The following WNK2 variants were observed in gnomAD, a reference collection of about 807,000 sequenced individuals.
WNK2 encodes the protein serine/threonine-protein kinase WNK2.
Under a neutral mutation model 192.1 loss-of-function variants are expected in WNK2, and 67 were observed. The observed-to-expected ratio is 0.35, with a 90% CI of 0.29 to 0.43. The LOEUF (loss-of-function observed/expected upper bound fraction) is 0.43, where lower values mean the gene tolerates loss of function less well. Ranked by LOEUF, WNK2 falls within the 20% of genes least tolerant of loss-of-function variation. The pLI is 1.00. For synonymous variants in WNK2, 1,439 were observed against 1,393.9 expected, an observed-to-expected ratio of 1.03 and a Z score of -0.72; for missense variants, 2,698 against 3,089.7, an observed-to-expected ratio of 0.87 and a Z score of 3.01.
intron 5 of WNK2, among the ~76,000 whole-genome samples, chr9:93,235,927 C>T (rs1213546102): frequency 1.3e-5 from 2 of 152,220 alleles, no homozygotes; most frequent in African/African-American, 4.8e-5. Flanking sequence ...CATTTCTGTC[C>T]CTTGGTTGTT....
intron 19 of WNK2, among the ~76,000 whole-genome samples, chr9:93,280,149 A>G (rs972915447): frequency 6.6e-6 from 1 of 152,220 alleles, no homozygotes; most frequent in East Asian, 1.9e-4. Context: ...CCAAGCACAT[A>G]TGTGATAAAG....
chr9:93,318,221 T>C (rs1855085678), intron 29 of WNK2: 2 of 1,481,636 alleles, frequency 1.3e-6, no homozygotes, highest in Non-Finnish European at 1.8e-6. Flanking sequence ...AATCTTTATT[T>C]ACTGTTTTAA....
intron 19 of WNK2, among the ~76,000 whole-genome samples, chr9:93,280,311 A>G (rs1847535417): frequency 6.6e-6 from 1 of 152,214 alleles, no homozygotes; most frequent in Non-Finnish European, 1.5e-5. Flanking sequence ...ATGCAAATTA[A>G]TACCACAATG....
chr9:93,228,624 G>T (rs1588042256), intron 2 of WNK2, among the ~76,000 whole-genome samples: 1 of 152,360 alleles, frequency 6.6e-6, no homozygotes, highest in East Asian at 1.9e-4. Flanking sequence ...ACCTCAGGTG[G>T]AGGTGAGAAG....
At position 93,253,048 on chromosome 9, in the gene WNK2, C is replaced by A; in HGVS notation, c.2000C>A (p.Pro667His). Residue 667 changes from proline to histidine, a missense_variant, in exon 9 of 30, where the codon CCC becomes CAC. Transcript: ENST00000427277. ...GGGCCCGTCCTGCCGCAGAGCCTGC[C>A]CTCGCTGGGGGCCTACCAGCAGCCC... The part of the protein sequence containing the change: ...SEGPVLPQSL[P>H]SLGAYQQPTA... 1.3e-6 allele frequency: 2 copies of A among 1,521,092 alleles called. No homozygotes were observed. Among genetic ancestry groups the A allele is most frequent in the Admixed American group, 2.1e-5 (1 of 47,120 alleles). 94.2% of individuals were successfully genotyped at this position (1,521,092 alleles called of 1,614,324 possible).
Position 93,292,690 on chromosome 9 carries a change from C to G in WNK2, c.5225C>G (p.Ala1742Gly). 2 of 1,572,316 alleles carry G rather than the reference C, an allele frequency of 1.3e-6. No homozygotes were observed. The highest frequency in any genetic ancestry group is 1.7e-6 in the Non-Finnish European group (2 of 1,160,272). ...RPEQQDVSSP[A>G]KTVGRFSVVS... Reference sequence around the variant, plus strand: ...GAGCAGCAGGATGTCAGCTCACCAGCCAAGACTGTGGGCCGTTTCTCGGTG... The same window carrying G: ...GAGCAGCAGGATGTCAGCTCACCAGGCAAGACTGTGGGCCGTTTCTCGGTG... Residue 1742 changes from alanine (A) to glycine (G), a missense_variant, in exon 23 of 30, where the codon GCC (alanine) becomes GGC (glycine). Coordinates refer to ENST00000427277, the MANE Select transcript of WNK2 (RefSeq NM_006648.4).
chr9:93,249,400 A>G (rs1842218758), intron 8 of WNK2, among the ~76,000 whole-genome samples: 1 of 152,252 alleles, frequency 6.6e-6, no homozygotes, highest in African/African-American at 2.4e-5. Flanking sequence ...CTCTGCAGAC[A>G]GGCCCACTTC....
rs149317703 is a variant in WNK2 at position 93,247,342 on chromosome 9, T to C, written c.1543-201T>C. Among the ~76,000 whole-genome samples the C allele has an allele frequency of 6.8e-3, 1,031 of 152,290 alleles. 9 individuals carry two copies. The highest frequency in any genetic ancestry group is 0.011 in the Non-Finnish European group (755 of 68,028). On this transcript the variant is annotated intron_variant, in intron 7 of 29. Transcript: ENST00000427277. This position sits in a 1 kb window ranked among gnomAD's most constrained non-coding sequence, Gnocchi z 5.2. Reference sequence around the variant, plus strand: ...CGGGATGCAGGTCAGGCCTGCGTGGTGGTGGTCTTTCTTTGCCTTGCCTGG... The same window carrying C: ...CGGGATGCAGGTCAGGCCTGCGTGGCGGTGGTCTTTCTTTGCCTTGCCTGG...
intron 19 of WNK2, among the ~76,000 whole-genome samples, chr9:93,270,275 A>G (rs1257057907): frequency 6.6e-6 from 1 of 152,276 alleles, no homozygotes; most frequent in African/African-American, 2.4e-5. Context: ...TGTGCACGGA[A>G]GGCCTTTCTG....
rs368517465 is a variant in WNK2 at position 93,299,093 on chromosome 9, G to T, written c.5947G>T (p.Gly1983Cys). ...STGHLADSSR[G>C]PPAKDPAQAS... ...AGGTCACTTGGCTGACTCCAGCAGA[G>T]GCCCTCCCGCTAAGGACCCTGCCCA... is the stretch of plus-strand genomic sequence containing the variant. Residue 1983 changes from glycine (G) to cysteine (C), a missense_variant, in exon 25 of 30, where the codon GGC (glycine) becomes TGC (cysteine). This residue lies in a region of WNK2 where 1,098 missense variants were observed against 1,101.0 expected (regional missense o/e 1.00). Transcript: ENST00000427277. The T allele has an allele frequency of 1.2e-6, 2 of 1,610,728 alleles. No individual in the cohort carries two copies. Among genetic ancestry groups the T allele is most frequent in the Non-Finnish European group, 1.7e-6 (2 of 1,179,544 alleles).
intron 2 of WNK2, among the ~76,000 whole-genome samples, chr9:93,222,219 A>G (rs1837041306): frequency 6.6e-6 from 1 of 151,962 alleles, no homozygotes; most frequent in Non-Finnish European, 1.5e-5. Flanking sequence ...CCCAGGCTGG[A>G]GTGCAGTGGC....
chr9:93,265,083 C>A (rs956155357), intron 16 of WNK2, among the ~76,000 whole-genome samples: 3 of 152,232 alleles, frequency 2.0e-5, no homozygotes, highest in African/African-American at 7.2e-5. Flanking sequence ...TGGACAAAGC[C>A]CTCCCAGATC....
At chr9:93,283,386 A>T (rs1848004380) in intron 19 of WNK2, among the ~76,000 whole-genome samples, 1 of 152,222 alleles carries the variant, frequency 6.6e-6, no homozygotes, top group Admixed American at 6.5e-5. Flanking sequence ...GGCTCATAGC[A>T]TTAGTAAGCC....
Position 93,317,631 on chromosome 9 carries a change from G to C in WNK2, c.6628G>C (p.Asp2210His). The C allele has an allele frequency of 6.2e-7, 1 of 1,612,642 alleles. No individual in the cohort carries two copies. The highest frequency in any genetic ancestry group is 8.5e-7 in the Non-Finnish European group (1 of 1,179,660). ...AAPTLSVPTP[D>H]PESEKPD Reference sequence around the variant, plus strand: ...CCCGACCCTGTCCGTGCCCACACCAGGTACTGCCCTCTCCAACCTCCCAAC... The same window carrying C: ...CCCGACCCTGTCCGTGCCCACACCACGTACTGCCCTCTCCAACCTCCCAAC... The change falls in exon 29 of 30, where the codon GAT becomes CAT. Residue 2210 changes from aspartate to histidine, a missense_variant and splice_region_variant. Around this residue, in one of 7 missense-constraint regions of WNK2, gnomAD observed 167 missense variants for 184.2 expected, o/e 0.91. Transcript: ENST00000427277.
chr9:93,198,821 C>T (rs1831783757), intron 2 of WNK2, among the ~76,000 whole-genome samples: 1 of 152,192 alleles, frequency 6.6e-6, no homozygotes. Flanking sequence ...CCTGCTGCCC[C>T]CTTTTCCAGC....
At chr9:93,264,890 C>T (rs1010944742) in intron 16 of WNK2, among the ~76,000 whole-genome samples, 4 of 152,352 alleles carry the variant, frequency 2.6e-5, no homozygotes, top group African/African-American at 4.8e-5. Flanking sequence ...GATTGCCCCA[C>T]GTGCCTGCCT....
rs1002180031 is a variant in WNK2 at position 93,289,044 on chromosome 9, C to T, written c.4290C>T (p.Leu1430=). 13 of 1,604,136 alleles carry T rather than the reference C, an allele frequency of 8.1e-6. No individual in the cohort carries two copies. The highest frequency in any genetic ancestry group is 2.7e-5 in the African/African-American group (2 of 74,896). Residue 1430 remains leucine (L), a synonymous_variant, in exon 20 of 30, where the codon CTC becomes CTT. Coordinates refer to ENST00000427277, the MANE Select transcript of WNK2 (RefSeq NM_006648.4). ...PGTPQGLTSE[L]ETSQPLAETH... ...CACCTCAGGGGCTGACCAGTGAGCT[C>T]GAGACGTCTCAGCCACTAGCGGAGA...
chr9:93,308,508 A>G lies in WNK2; in HGVS notation c.6440A>G (p.Asn2147Ser). Residue 2147 changes from asparagine (N) to serine (S), a missense_variant, in exon 28 of 30, where the codon AAC becomes AGC. Asn to Ser is a conservative substitution (Grantham distance 46). This residue lies in a region of WNK2 where 167 missense variants were observed against 184.2 expected (regional missense o/e 0.91). Coordinates refer to ENST00000427277, the MANE Select transcript of WNK2 (RefSeq NM_006648.4). ...VGAAQLKPTL[N>S]QLKQTQKLQD... is the part of the protein sequence containing the mutation. ...GCCGCGCAGCTGAAGCCCACGCTCA[A>G]CCAGCTGAAGCAGACCCAGAAGCTG... The G allele has an allele frequency of 1.9e-6, 3 of 1,606,312 alleles. No homozygotes were observed. The highest frequency in any genetic ancestry group is 2.2e-5 in the South Asian group (2 of 89,250).
intron 2 of WNK2, among the ~76,000 whole-genome samples, chr9:93,187,957 G>C (rs1829645706): frequency 6.6e-6 from 1 of 152,130 alleles, no homozygotes; most frequent in African/African-American, 2.4e-5. Flanking sequence ...TGACAGGTGG[G>C]TGCTCCTTCT....
Sources: allele counts gnomAD v4.1 joint callset (sites outside exome capture counted in the v4.1 genomes callset), GRCh38; gene constraint gnomAD v4.1.1; regional missense constraint gnomAD v4.1.1; non-coding constraint Gnocchi (gnomAD v3.1); transcripts MANE v1.5; gene names NCBI Gene and HGNC (gene_info 2026-07-23, HGNC 2026-07-21).